The following GSG1L variants were observed in gnomAD, a reference collection of about 807,000 sequenced individuals.
GSG1L encodes the protein GSG1 like.
Under a neutral mutation model 42.1 loss-of-function variants are expected in GSG1L, and 24 were observed. The observed-to-expected ratio is 0.57, with a 90% CI of 0.41 to 0.80. GSG1L has a LOEUF of 0.80. Ranked by LOEUF, GSG1L falls within the 30% of genes least tolerant of loss-of-function variation. The probability of loss-of-function intolerance (pLI) is 0.00; values close to 1 mark genes in which losing one functional copy is unlikely to be tolerated. For missense variants in GSG1L, 445 were observed against 472.2 expected (o/e 0.94, Z 0.53); for synonymous variants, 215 against 203.5 (o/e 1.06, Z -0.48).
chr16:27,792,336 G>A (rs1242780821), intron 6 of GSG1L, among the ~76,000 whole-genome samples: 3 of 152,280 alleles, frequency 2.0e-5, no homozygotes, highest in African/African-American at 4.8e-5. Context: ...TGGGCACCGA[G>A]GCAGGGGGCA....
intron 3 of GSG1L, among the ~76,000 whole-genome samples, chr16:27,875,897 T>G (rs1327497513): frequency 2.6e-5 from 4 of 152,188 alleles, no homozygotes; most frequent in African/African-American, 7.2e-5. Flanking sequence ...AGAATGATAC[T>G]AACACAGAAG....
At chr16:27,902,535 T>C (rs2084272531) in intron 2 of GSG1L, among the ~76,000 whole-genome samples, 1 of 151,420 alleles carries the variant, frequency 6.6e-6, no homozygotes, top group Admixed American at 6.6e-5. Flanking sequence ...AGACGGGAGG[T>C]TCGCCCAAGC....
intron 3 of GSG1L, among the ~76,000 whole-genome samples, chr16:27,846,817 C>A (rs557180602): frequency 6.6e-6 from 1 of 151,888 alleles, no homozygotes. Flanking sequence ...ATTACCCGGG[C>A]GTGGTGGTGG....
At chr16:28,056,291 T>C (rs1407546860) in intron 1 of GSG1L, among the ~76,000 whole-genome samples, 1 of 151,886 alleles carries the variant, frequency 6.6e-6, no homozygotes, top group Non-Finnish European at 1.5e-5. Flanking sequence ...TATGCAGCCA[T>C]AAAAAAATGA....
At chr16:27,844,320 C>T (rs1251262785) in intron 4 of GSG1L, among the ~76,000 whole-genome samples, 1 of 152,188 alleles carries the variant, frequency 6.6e-6, no homozygotes, top group Non-Finnish European at 1.5e-5. Context: ...GCAAACCCTG[C>T]TTTGAGGTGC....
intron 2 of GSG1L, among the ~76,000 whole-genome samples, chr16:27,951,690 G>C (rs1490127369): frequency 1.3e-5 from 2 of 152,202 alleles, no homozygotes; most frequent in Non-Finnish European, 2.9e-5. Context: ...AGTTTGGGCA[G>C]CTGTGGAAGC....
At chr16:27,848,962 G>A (rs533870346) in intron 3 of GSG1L, among the ~76,000 whole-genome samples, 4 of 152,166 alleles carry the variant, frequency 2.6e-5, no homozygotes, top group Admixed American at 6.5e-5. Flanking sequence ...TTGGGAGGCC[G>A]AGGCAGGTGG....
chr16:27,863,932 A>C (rs2083685107), intron 3 of GSG1L, among the ~76,000 whole-genome samples: 1 of 152,194 alleles, frequency 6.6e-6, no homozygotes, highest in African/African-American at 2.4e-5. Flanking sequence ...AAATTAACTC[A>C]TGTAATGGAA....
chr16:27,969,610 T>C (rs2085170680), intron 1 of GSG1L, among the ~76,000 whole-genome samples: 1 of 152,240 alleles, frequency 6.6e-6, no homozygotes, highest in African/African-American at 2.4e-5. Flanking sequence ...CTTTTATTTA[T>C]CCATTCATCA....
intron 1 of GSG1L, among the ~76,000 whole-genome samples, chr16:27,992,026 G>A (rs777162201): frequency 3.9e-5 from 6 of 152,224 alleles, no homozygotes; most frequent in Non-Finnish European, 8.8e-5. Context: ...CCATCTGGAA[G>A]TGAAACCTCC....
At chr16:27,899,580 G>T (rs1413129817) in intron 2 of GSG1L, among the ~76,000 whole-genome samples, 1 of 152,162 alleles carries the variant, frequency 6.6e-6, no homozygotes, top group Non-Finnish European at 1.5e-5. Context: ...AGCCAAGTGT[G>T]GTGGCGTGCA....
At chr16:27,920,010 T>C (rs1462156025) in intron 2 of GSG1L, among the ~76,000 whole-genome samples, 1 of 152,154 alleles carries the variant, frequency 6.6e-6, no homozygotes, top group Non-Finnish European at 1.5e-5. Flanking sequence ...GATTATGGAA[T>C]CTTGACTCGG....
chr16:27,872,029 GCTGT>G (rs1475784276), intron 3 of GSG1L, among the ~76,000 whole-genome samples: 5 of 152,172 alleles, frequency 3.3e-5, no homozygotes, highest in Admixed American at 6.5e-5. Flanking sequence ...CCTCAATAAA[GCTGT>G]CTAAAATTTT....
At chr16:28,053,727 A>ATG (rs1384245624) in intron 1 of GSG1L, among the ~76,000 whole-genome samples, 1 of 151,868 alleles carries the variant, frequency 6.6e-6, no homozygotes, top group Non-Finnish European at 1.5e-5. Flanking sequence ...GCACGTGCAC[A>ATG]TGTGTGTGTC....
intron 2 of GSG1L, among the ~76,000 whole-genome samples, chr16:27,948,955 T>C (rs2084920269): frequency 8.5e-6 from 1 of 117,074 alleles, no homozygotes; most frequent in Non-Finnish European, 1.8e-5. Context: ...TCTCATTCTG[T>C]TACCCAGACT....
At chr16:27,954,076 G>T (rs1032170715) in intron 2 of GSG1L, among the ~76,000 whole-genome samples, 1 of 152,102 alleles carries the variant, frequency 6.6e-6, no homozygotes, top group Non-Finnish European at 1.5e-5. Context: ...GTCCCTGGGG[G>T]CACTCAGGAG....
chr16:27,842,503 A>G (rs1051144186), intron 4 of GSG1L, among the ~76,000 whole-genome samples: 15 of 152,180 alleles, frequency 9.9e-5, no homozygotes, highest in African/African-American at 1.4e-4. Flanking sequence ...ATTATTACAC[A>G]CATGGTCAAC....
intron 1 of GSG1L, among the ~76,000 whole-genome samples, chr16:28,013,901 C>A (rs979312776): frequency 3.1e-4 from 47 of 152,222 alleles, no homozygotes; most frequent in African/African-American, 1.1e-3. Flanking sequence ...TCCTGCCTTC[C>A]TATGTGGCTC....
chr16:27,849,065 A>G (rs1484041075), intron 3 of GSG1L, among the ~76,000 whole-genome samples: 4 of 152,014 alleles, frequency 2.6e-5, no homozygotes, highest in African/African-American at 9.7e-5. Context: ...GTGTGGTGGC[A>G]CATGCCTCCG....
Sources: allele counts gnomAD v4.1 joint callset (sites outside exome capture counted in the v4.1 genomes callset), GRCh38; gene constraint gnomAD v4.1.1; transcripts MANE v1.5; gene names NCBI Gene and HGNC (gene_info 2026-07-23, HGNC 2026-07-21).